AMMECR1: variants seen among roughly 807,000 people sequenced by gnomAD.
AMMECR1 encodes nuclear protein AMMECR1.
AMMECR1 carries 3 observed loss-of-function variants against 22.5 expected under a neutral mutation model. The ratio of observed to expected loss-of-function variants is 0.13; its 90% CI spans 0.06 to 0.35. AMMECR1 has a LOEUF of 0.35. Ranked by LOEUF, AMMECR1 falls within the 10% of genes least tolerant of loss-of-function variation. The pLI is 1.00. For synonymous variants in AMMECR1, 130 were observed against 116.7 expected (o/e 1.11, Z -0.74); for missense variants, 235 against 278.7 (o/e 0.84, Z 1.12).
At chrX:110,421,176 T>C (rs1212613870) in intron 2 of AMMECR1, among the ~76,000 whole-genome samples, 1 of 112,498 alleles carries the variant, frequency 8.9e-6, no homozygotes, top group Non-Finnish European at 1.9e-5. Flanking sequence ...CTGATGTATG[T>C]CACCTTTAAA....
At chrX:110,287,003 T>TA (rs1349646141) in intron 1 of AMMECR1, among the ~76,000 whole-genome samples, 1 of 111,929 alleles carries the variant, frequency 8.9e-6, no homozygotes, top group Non-Finnish European at 1.9e-5. Flanking sequence ...TTAAAAGAGA[T>TA]AATGGTCTTA....
chrX:110,236,602 AC>A (rs1481094871), intron 2 of AMMECR1, among the ~76,000 whole-genome samples: 1 of 112,235 alleles, frequency 8.9e-6, no homozygotes, highest in Non-Finnish European at 1.9e-5. Flanking sequence ...ATTTTTACTC[AC>A]CATTATATAC....
chrX:110,340,012 ACACACAC>A (rs1183050002), intron 2 of AMMECR1, among the ~76,000 whole-genome samples: 23 of 109,009 alleles, frequency 2.1e-4, no homozygotes, highest in Admixed American at 1.1e-3. Flanking sequence ...ACACACACAC[ACACACAC>A]AACATATTGG....
At chrX:110,420,483 G>A (rs192974753) in intron 2 of AMMECR1, among the ~76,000 whole-genome samples, 14 of 112,236 alleles carry the variant, frequency 1.2e-4, no homozygotes, top group African/African-American at 3.9e-4. Context: ...GGTACAAGAA[G>A]GACTAGCTCT....
intron 2 of AMMECR1, among the ~76,000 whole-genome samples, chrX:110,259,013 T>C (rs972847657): frequency 2.7e-5 from 3 of 111,609 alleles, no homozygotes; most frequent in Non-Finnish European, 5.7e-5. Context: ...AACACCAAAA[T>C]ATAAAAGCAA....
At chrX:110,404,759 G>C (rs933362153) in intron 2 of AMMECR1, among the ~76,000 whole-genome samples, 1 of 111,288 alleles carries the variant, frequency 9.0e-6, no homozygotes, top group Non-Finnish European at 1.9e-5. Context: ...ACTCTGTCAG[G>C]GTTGCTGAAA....
chrX:110,311,042 A>G (rs1206044482), intron 1 of AMMECR1, among the ~76,000 whole-genome samples: 1 of 112,257 alleles, frequency 8.9e-6, no homozygotes, highest in Non-Finnish European at 1.9e-5. Context: ...TTGAAGTTTT[A>G]TGATCTTAGA....
chrX:110,346,083 A>T (rs1175669427), intron 2 of AMMECR1, among the ~76,000 whole-genome samples: 1 of 112,382 alleles, frequency 8.9e-6, no homozygotes, highest in Non-Finnish European at 1.9e-5. Context: ...TCTTTAAAAG[A>T]TTTACAGTAA....
intron 2 of AMMECR1, among the ~76,000 whole-genome samples, chrX:110,339,008 TA>T: frequency 8.9e-6 from 1 of 111,741 alleles, no homozygotes; most frequent in Non-Finnish European, 1.9e-5. Context: ...CAGTACTTCC[TA>T]AAGTAATTGG....
intron 1 of AMMECR1, among the ~76,000 whole-genome samples, chrX:110,306,028 T>C (rs749196191): frequency 9.1e-6 from 1 of 110,197 alleles, no homozygotes; most frequent in South Asian, 3.9e-4. Context: ...ACGCCTGTAA[T>C]CCCAGCACTT....
chrX:110,269,987 T>C (rs548556834), intron 1 of AMMECR1, among the ~76,000 whole-genome samples: 73 of 111,558 alleles, frequency 6.5e-4, no homozygotes, highest in Middle Eastern at 4.6e-3. Context: ...TGGTAAAGGC[T>C]CTCTTCCTTT....
intron 2 of AMMECR1, among the ~76,000 whole-genome samples, chrX:110,230,946 A>G (rs2067562194): frequency 8.9e-6 from 1 of 112,094 alleles, no homozygotes; most frequent in Non-Finnish European, 1.9e-5. Flanking sequence ...TTGAAGATCA[A>G]ATTAATGAAG....
In AMMECR1 at chrX:110,197,884, A is replaced by G. The variant is rs1439066317; in HGVS notation, c.*636T>C. The G allele has an allele frequency of 1.8e-5, 2 of 112,189 alleles. No individual in the cohort carries two copies. The highest frequency in any genetic ancestry group is 3.7e-4 in the South Asian group (1 of 2,680). 9.2% of individuals were successfully genotyped at this position (112,189 alleles called of 1,213,427 possible). On this transcript the variant is annotated 3_prime_UTR_variant, in exon 6 of 6. Transcript: ENST00000262844. ...CCTTTGAATGCTCACTACTAGAACT[A>G]AAGTTCATGTATTTTCACCATGGGA...
chrX:110,261,056 A>G (rs2067738445), intron 2 of AMMECR1, among the ~76,000 whole-genome samples: 1 of 111,366 alleles, frequency 9.0e-6, no homozygotes, highest in Admixed American at 9.5e-5. Context: ...TGTGGAGTTC[A>G]TGTTTAATGG....
chrX:110,202,227 T>C lies in AMMECR1; in HGVS notation c.790+219A>G, dbSNP rs755040762. ...ATTCTGCTTTTTAAAAAATATACACTTATGGGTTTATGCCATCAAACTTCA... is the reference window on the plus strand; with the variant it reads ...ATTCTGCTTTTTAAAAAATATACACCTATGGGTTTATGCCATCAAACTTCA... On this transcript the variant is annotated intron_variant, in intron 4 of 5. Transcript: ENST00000262844. Among the ~76,000 whole-genome samples, 8 of 112,306 alleles carry C rather than the reference T, an allele frequency of 7.1e-5. No individual in the cohort carries two copies. The South Asian group carries it at 3.0e-3, about 41-fold the overall frequency.
chrX:110,357,821 A>T (rs752713714), intron 2 of AMMECR1, among the ~76,000 whole-genome samples: 1 of 111,708 alleles, frequency 9.0e-6, no homozygotes, highest in East Asian at 2.8e-4. Context: ...CAGAGTGGTT[A>T]TACTTGCCCT....
At chrX:110,214,612 A>G (rs2067464044) in intron 3 of AMMECR1, among the ~76,000 whole-genome samples, 1 of 112,017 alleles carries the variant, frequency 8.9e-6, no homozygotes, top group Non-Finnish European at 1.9e-5. Context: ...TCGGTGCTTA[A>G]CCATGCCTAT....
At chrX:110,404,581 A>G (rs1282857361) in intron 2 of AMMECR1, among the ~76,000 whole-genome samples, 1 of 112,275 alleles carries the variant, frequency 8.9e-6, no homozygotes, top group Middle Eastern at 4.2e-3. Flanking sequence ...TAACACATGC[A>G]GTAGGCACCT....
chrX:110,312,529 A>G (rs1475632612), intron 1 of AMMECR1, among the ~76,000 whole-genome samples: 2 of 112,388 alleles, frequency 1.8e-5, no homozygotes, highest in African/African-American at 6.5e-5. Flanking sequence ...TTATGGGCTA[A>G]ATTATCACTC....
Sources: allele counts gnomAD v4.1 joint callset (sites outside exome capture counted in the v4.1 genomes callset), GRCh38; gene constraint gnomAD v4.1.1; transcripts MANE v1.5; gene names NCBI Gene and HGNC (gene_info 2026-07-23, HGNC 2026-07-21).